The following CACNB2 variants were observed in gnomAD, a reference collection of about 807,000 sequenced individuals.
The protein encoded by CACNB2 is voltage-dependent L-type calcium channel subunit beta-2.
A neutral mutation model predicts 73.3 loss-of-function variants in CACNB2; 42 were observed. The observed-to-expected ratio is 0.57, with a 90% confidence interval of 0.45 to 0.74. The LOEUF (loss-of-function observed/expected upper bound fraction) is 0.74. CACNB2 is among the 30% of genes least tolerant of loss of function. CACNB2 has a pLI of 0.00. For missense variants in CACNB2, 940 were observed against 853.0 expected (o/e 1.10, Z -1.27); for synonymous variants, 348 against 310.3 (o/e 1.12, Z -1.28).
intron 2 of CACNB2, among the ~76,000 whole-genome samples, chr10:18,269,293 G>T (rs1400800472): frequency 6.6e-6 from 1 of 152,074 alleles, no homozygotes; most frequent in African/African-American, 2.4e-5. Context: ...ATGGTCACAT[G>T]GTCACATCTG....
At chr10:18,171,574 CTTAA>C (rs1455872809) in intron 2 of CACNB2, among the ~76,000 whole-genome samples, 1 of 96,494 alleles carries the variant, frequency 1.0e-5, no homozygotes, top group African/African-American at 3.9e-5. Context: ...CTTCATCCTT[CTTAA>C]TTCCAGTTTA....
At chr10:18,248,040 C>T (rs2036936183) in intron 2 of CACNB2, among the ~76,000 whole-genome samples, 1 of 152,192 alleles carries the variant, frequency 6.6e-6, no homozygotes, top group South Asian at 2.1e-4. Context: ...AAGGCCTCTC[C>T]TAATTCCATC....
chr10:18,385,040 G>T lies in CACNB2; in HGVS notation c.214-16884G>T, dbSNP rs931693739. Among the ~76,000 whole-genome samples, 74 of 152,100 alleles carry T rather than the reference G, an allele frequency of 4.9e-4. 1 individual carries two copies. The highest frequency in any genetic ancestry group is 1.7e-3 in the African/African-American group (72 of 41,404). On this transcript the variant is annotated intron_variant, in intron 2 of 13. Coordinates refer to ENST00000324631, the MANE Select transcript of CACNB2 (RefSeq NM_201596.3). ...CACGCCTGTAATCCCAGCACTTTGGGAGGCCGAGGTGGGTGGATCATCTGA... is the reference window on the plus strand; with the variant it reads ...CACGCCTGTAATCCCAGCACTTTGGTAGGCCGAGGTGGGTGGATCATCTGA...
intron 2 of CACNB2, among the ~76,000 whole-genome samples, chr10:18,175,867 G>T (rs1244063624): frequency 6.6e-6 from 1 of 152,186 alleles, no homozygotes; most frequent in African/African-American, 2.4e-5. Context: ...CAAAGTGCTG[G>T]GATTACAGGC....
rs138362116 is a variant in CACNB2, at chr10:18,312,135, CAAATT to C, written c.214-89785_214-89781del. Among the ~76,000 whole-genome samples the C allele has an allele frequency of 6.9e-3, 1,049 of 152,096 alleles. 11 individuals are homozygous for C. The highest frequency in any genetic ancestry group is 0.024 in the African/African-American group (976 of 41,484). On this transcript the variant is annotated intron_variant, in intron 2 of 13. Coordinates refer to ENST00000324631, the MANE Select transcript of CACNB2 (RefSeq NM_201596.3). ...TCCCAAGTAGGTAAATCTTAGGAAA[CAAATT>C]AAAATGATAAATATGGTGAAATTTA...
intron 2 of CACNB2, among the ~76,000 whole-genome samples, chr10:18,172,597 A>G (rs2033320541): frequency 6.6e-6 from 1 of 152,120 alleles, no homozygotes; most frequent in Admixed American, 6.5e-5. Context: ...CTGGATGTGA[A>G]ACCCTTGTCC....
At chr10:18,455,947 C>T (rs2047257713) in intron 3 of CACNB2, among the ~76,000 whole-genome samples, 1 of 152,180 alleles carries the variant, frequency 6.6e-6, no homozygotes, top group Non-Finnish European at 1.5e-5. Context: ...CATTTTGTTC[C>T]ATTAAAGCTG....
At chr10:18,534,341 G>C (rs2053349400) in intron 11 of CACNB2, 114 bp downstream of exon 11, 1 of 943,138 alleles carries the variant, frequency 1.1e-6, no homozygotes, top group Non-Finnish European at 1.7e-6. Context: ...TAGAGAATTT[G>C]AGGAGACATG....
chr10:18,537,043 G>C (rs181562004), intron 12 of CACNB2, among the ~76,000 whole-genome samples: 149 of 152,176 alleles, frequency 9.8e-4, no homozygotes, highest in Non-Finnish European at 1.6e-3. Context: ...GGAGTGCAGT[G>C]GTGGTGTCTC....
chr10:18,347,344 A>ATTTTTTTTTTTTT (rs201654242), intron 2 of CACNB2, among the ~76,000 whole-genome samples: 7 of 120,816 alleles, frequency 5.8e-5, no homozygotes, highest in East Asian at 3.4e-4. Flanking sequence ...TGCCCGTCTA[A>ATTTTTTTTTTTTT]TTTTTTTTTT....
chr10:18,433,126 T>G (rs1038221639), intron 3 of CACNB2, among the ~76,000 whole-genome samples: 7 of 4,778 alleles, frequency 1.5e-3, no homozygotes, highest in South Asian at 9.3e-3. Context: ...CGTGTATTGA[T>G]ATATATATAT....
At chr10:18,169,706 T>G (rs953500058) in intron 2 of CACNB2, among the ~76,000 whole-genome samples, 5 of 152,204 alleles carry the variant, frequency 3.3e-5, no homozygotes, top group African/African-American at 1.2e-4. Context: ...GTCTTCTTGC[T>G]TGTCACTTGT....
intron 2 of CACNB2, among the ~76,000 whole-genome samples, chr10:18,305,675 C>T (rs4748448): frequency 0.68 from 102,674 of 151,928 alleles, 35,506 homozygotes; most frequent in African/African-American, 0.74. Context: ...TTAAGTAACA[C>T]CTCCTAATTT....
At chr10:18,496,871 T>A (rs1214123495) in intron 3 of CACNB2, among the ~76,000 whole-genome samples, 5 of 140,370 alleles carry the variant, frequency 3.6e-5, no homozygotes, top group African/African-American at 1.3e-4. Flanking sequence ...AAAAGGAATA[T>A]CACATGAAAA....
Position 18,419,418 on chromosome 10 carries a change from T to C in CACNB2, c.333+17375T>C, listed in dbSNP as rs534608714. Among the ~76,000 whole-genome samples, 142 of 152,290 alleles carry C rather than the reference T, an allele frequency of 9.3e-4. 1 individual carries two copies. The highest frequency in any genetic ancestry group is 3.3e-3 in the African/African-American group (138 of 41,548). ...TGTACACAACCATTCTCTTCAACTC[T>C]TTACTTTAAAATGAGAGAGAGAGAA... On this transcript the variant is annotated intron_variant, in intron 3 of 13. Coordinates refer to ENST00000324631, the MANE Select transcript of CACNB2 (RefSeq NM_201596.3).
chr10:18,177,710 T>C (rs2033679592), intron 2 of CACNB2, among the ~76,000 whole-genome samples: 1 of 152,338 alleles, frequency 6.6e-6, no homozygotes, highest in South Asian at 2.1e-4. Context: ...TCAGTGAATC[T>C]ACATGTTACA....
chr10:18,536,084 CT>C lies in CACNB2; in HGVS notation c.1207-16del. On this transcript the variant is annotated splice_polypyrimidine_tract_variant and intron_variant, in intron 11 of 13. Transcript: ENST00000324631. The stretch of plus-strand genomic sequence containing the variant: ...GATGTAGTTATTACTCTGTTAAAAA[CT>C]CATTATCTTTTACAGGTTTTACAAA... The C allele has an allele frequency of 1.3e-6, 2 of 1,484,084 alleles. No homozygotes were observed. The highest frequency in any genetic ancestry group is 1.9e-6 in the Non-Finnish European group (2 of 1,062,574). 91.9% of individuals were successfully genotyped at this position (1,484,084 alleles called of 1,614,324 possible).
intron 2 of CACNB2, among the ~76,000 whole-genome samples, chr10:18,367,424 C>G (rs2042402209): frequency 6.6e-6 from 1 of 151,950 alleles, no homozygotes; most frequent in Non-Finnish European, 1.5e-5. Context: ...AGTTTACATT[C>G]TTTTTTAAAA....
chr10:18,177,698 A>G (rs1388187903), intron 2 of CACNB2, among the ~76,000 whole-genome samples: 3 of 152,160 alleles, frequency 2.0e-5, no homozygotes, highest in Non-Finnish European at 4.4e-5. Flanking sequence ...TCTGATTAGC[A>G]CTCAGTGAAT....
Sources: gnomAD v4.1 joint callset for allele counts (sites outside exome capture counted in the v4.1 genomes callset) on GRCh38, gnomAD v4.1.1 for gene constraint, MANE v1.5 for transcripts, NCBI Gene and HGNC (gene_info 2026-07-23, HGNC 2026-07-21) for gene names.